The following NCOA2 variants were observed in gnomAD, a reference collection of about 807,000 sequenced individuals.
NCOA2 encodes the protein nuclear receptor coactivator 2.
A neutral mutation model predicts 145.1 loss-of-function variants in NCOA2; 21 were observed. The ratio of observed to expected loss-of-function variants is 0.14; its 90% confidence interval spans 0.10 to 0.21. NCOA2 has a LOEUF of 0.21. Ranked by LOEUF, NCOA2 falls within the 10% of genes least tolerant of loss-of-function variation. The pLI, the probability that NCOA2 is intolerant of heterozygous loss-of-function variation, is 1.00. For synonymous variants in NCOA2, 619 were observed against 637.5 expected (o/e 0.97, Z 0.44); for missense variants, 1,472 against 1,837.6 (o/e 0.80, Z 3.64).
chr8:70,395,673 T>C (rs1813596819), intron 1 of NCOA2, among the ~76,000 whole-genome samples: 1 of 152,142 alleles, frequency 6.6e-6, no homozygotes, highest in South Asian at 2.1e-4. Context: ...ACAAGGGAAA[T>C]TGTTTCATAT....
chr8:70,284,129 G>A (rs1826077644), intron 2 of NCOA2, among the ~76,000 whole-genome samples: 1 of 152,158 alleles, frequency 6.6e-6, no homozygotes, highest in Admixed American at 6.5e-5. Flanking sequence ...GAGAGAGGCT[G>A]AAGAACACAA....
chr8:70,234,636 T>C (rs896410815), intron 2 of NCOA2, among the ~76,000 whole-genome samples: 3 of 152,200 alleles, frequency 2.0e-5, no homozygotes, highest in Non-Finnish European at 4.4e-5. Flanking sequence ...GCATCTTTAC[T>C]TGTGTTTATT....
intron 1 of NCOA2, among the ~76,000 whole-genome samples, chr8:70,344,573 G>T (rs562619201): frequency 6.6e-6 from 1 of 152,280 alleles, no homozygotes; most frequent in Admixed American, 6.5e-5. Context: ...TATTAAATGG[G>T]CCCTCTTATG....
chr8:70,371,339 G>A (rs144725402), intron 1 of NCOA2, among the ~76,000 whole-genome samples: 4 of 151,622 alleles, frequency 2.6e-5, no homozygotes, highest in Admixed American at 6.6e-5. Context: ...CAATGTAAAC[G>A]TACACCTGAA....
intron 4 of NCOA2, among the ~76,000 whole-genome samples, chr8:70,191,768 C>T (rs373479726): frequency 6.6e-5 from 10 of 152,100 alleles, no homozygotes; most frequent in African/African-American, 1.7e-4. Context: ...AGGCCAGGGA[C>T]GGTGGCTCAT....
chr8:70,187,534 TG>T (rs1432927838), intron 4 of NCOA2, among the ~76,000 whole-genome samples: 1 of 152,206 alleles, frequency 6.6e-6, no homozygotes, highest in East Asian at 1.9e-4. Context: ...TGGAAAAGTT[TG>T]AGCCACAACA....
chr8:70,439,428 C>T, the NCOA2 span, among the ~76,000 whole-genome samples: 15 of 152,182 alleles, frequency 9.9e-5, no homozygotes, highest in East Asian at 2.7e-3. Context: ...GTCTTCTAAG[C>T]GATTTGGGTC....
the NCOA2 span, among the ~76,000 whole-genome samples, chr8:70,411,834 C>T: frequency 2.0e-5 from 3 of 152,136 alleles, no homozygotes; most frequent in Non-Finnish European, 2.9e-5. Flanking sequence ...CAGGTAGGTG[C>T]GGCCTAGGAA....
chr8:70,347,652 T>C (rs1478741433), intron 1 of NCOA2, among the ~76,000 whole-genome samples: 1 of 152,148 alleles, frequency 6.6e-6, no homozygotes, highest in Non-Finnish European at 1.5e-5. Context: ...AAGCGAGACC[T>C]TGTCTTAAAA....
At chr8:70,364,370 G>C (rs1374602948) in intron 1 of NCOA2, among the ~76,000 whole-genome samples, 1 of 152,124 alleles carries the variant, frequency 6.6e-6, no homozygotes, top group Non-Finnish European at 1.5e-5. Context: ...AAAATTACTT[G>C]GGAAAAATGT....
At chr8:70,129,203 C>A (rs1308667057) in intron 16 of NCOA2, among the ~76,000 whole-genome samples, 1 of 152,160 alleles carries the variant, frequency 6.6e-6, no homozygotes, top group South Asian at 2.1e-4. Context: ...CGGGGTCACA[C>A]TGGACTCCCA....
chr8:70,226,369 G>A (rs576763180), intron 2 of NCOA2, among the ~76,000 whole-genome samples: 12 of 151,938 alleles, frequency 7.9e-5, no homozygotes, highest in African/African-American at 2.2e-4. Flanking sequence ...CAAACCAAAC[G>A]GAATTTTTAA....
chr8:70,310,418 G>A (rs894451949), intron 1 of NCOA2, among the ~76,000 whole-genome samples: 7 of 149,766 alleles, frequency 4.7e-5, no homozygotes, highest in Admixed American at 3.3e-4. Flanking sequence ...AGGAAGTGAA[G>A]ATTGAATCAA....
the NCOA2 span, among the ~76,000 whole-genome samples, chr8:70,453,489 T>A: frequency 1.3e-5 from 2 of 152,232 alleles, no homozygotes; most frequent in African/African-American, 4.8e-5. Flanking sequence ...GAACTCACAC[T>A]CCTGTATAGG....
At chr8:70,249,969 A>AAAAAG (rs1822985866) in intron 2 of NCOA2, among the ~76,000 whole-genome samples, 1 of 146,716 alleles carries the variant, frequency 6.8e-6, no homozygotes, top group East Asian at 2.0e-4. Flanking sequence ...CCTCCAAAAA[A>AAAAAG]AAAAAAAAAA....
In NCOA2 at chr8:70,160,659, C is replaced by CAGAGAGAGAGAGAGAGAGAGAGAGAG. The variant is rs776025101; in HGVS notation, c.977-1008_977-1007insCTCTCTCTCTCTCTCTCTCTCTCTCT. 1.4e-4 allele frequency among the ~76,000 whole-genome samples: 19 copies of CAGAGAGAGAGAGAGAGAGAGAGAGAG among 132,254 alleles called. 1 individual carries two copies. Among genetic ancestry groups the CAGAGAGAGAGAGAGAGAGAGAGAGAG allele is most frequent in the African/African-American group, 4.2e-4 (14 of 32,972 alleles). 86.8% of individuals were successfully genotyped at this position (132,254 alleles called of 152,430 possible). ...CCACAAAACTGCCACAAGTGAGAGACAGAGAGAGAGAGAGAGAGAGAGGGA... is the reference window on the plus strand; with the variant it reads ...CCACAAAACTGCCACAAGTGAGAGACAGAGAGAGAGAGAGAGAGAGAGAGAGAGAGAGAGAGAGAGAGAGAGAGGGA... On this transcript the variant is annotated intron_variant, in intron 9 of 22. Transcript: ENST00000452400.
At chr8:70,341,508 A>G (rs920058869) in intron 1 of NCOA2, among the ~76,000 whole-genome samples, 1 of 152,244 alleles carries the variant, frequency 6.6e-6, no homozygotes, top group Non-Finnish European at 1.5e-5. Flanking sequence ...TTAGTTCCTC[A>G]ATATACACAT....
At chr8:70,229,857 G>T (rs967031116) in intron 2 of NCOA2, among the ~76,000 whole-genome samples, 1 of 152,190 alleles carries the variant, frequency 6.6e-6, no homozygotes, top group Non-Finnish European at 1.5e-5. Flanking sequence ...AAGAACCGCT[G>T]CCCTAAACTT....
In NCOA2 at chr8:70,132,015, A is replaced by C. The variant is rs774125627; in HGVS notation, c.3159-13T>G. On this transcript the variant is annotated splice_polypyrimidine_tract_variant and intron_variant, in intron 15 of 22. Transcript: ENST00000452400. ...GCCAAATGGCTGCCTGTAAAGACAG[A>C]AATGTCACCTTGGGCCAATGGAAAA... The C allele has an allele frequency of 6.2e-7, 1 of 1,609,474 alleles. No homozygotes were observed.
Sources: allele counts gnomAD v4.1 joint callset (sites outside exome capture counted in the v4.1 genomes callset), GRCh38; gene constraint gnomAD v4.1.1; transcripts MANE v1.5; gene names NCBI Gene and HGNC (gene_info 2026-07-23, HGNC 2026-07-21).